The following ASIC2 variants were observed in gnomAD, a reference collection of about 807,000 sequenced individuals.
ASIC2 encodes the protein acid sensing ion channel subunit 2.
Under a neutral mutation model 57.3 loss-of-function variants are expected in ASIC2, and 25 were observed. The ratio of observed to expected loss-of-function variants is 0.44; its 90% confidence interval spans 0.32 to 0.61. ASIC2 has a LOEUF of 0.61. ASIC2 is among the 20% of genes least tolerant of loss of function. The pLI, the probability that ASIC2 is intolerant of heterozygous loss-of-function variation, is 0.06. For synonymous variants in ASIC2, 319 were observed against 307.5 expected, an observed-to-expected ratio of 1.04 and a Z score of -0.39; for missense variants, 641 against 738.1, an observed-to-expected ratio of 0.87 and a Z score of 1.52.
intron 1 of ASIC2, among the ~76,000 whole-genome samples, chr17:33,550,024 T>C (rs12951539): frequency 0.074 from 11,229 of 152,260 alleles, 573 homozygotes; most frequent in Non-Finnish European, 0.1. Context: ...TTTCTGGTTT[T>C]TCATCTCAGA....
chr17:34,023,034 T>C (rs1215064595), intron 1 of ASIC2, among the ~76,000 whole-genome samples: 1 of 152,224 alleles, frequency 6.6e-6, no homozygotes, highest in East Asian at 1.9e-4. Context: ...CTTTGCCTTC[T>C]GCCATGCTTG....
intron 1 of ASIC2, among the ~76,000 whole-genome samples, chr17:34,023,046 A>G (rs777035313): frequency 1.3e-5 from 2 of 152,032 alleles, no homozygotes; most frequent in Non-Finnish European, 2.9e-5. Flanking sequence ...CCATGCTTGT[A>G]AGTTCCCTGA....
At chr17:33,451,792 C>T (rs761571354) in intron 1 of ASIC2, among the ~76,000 whole-genome samples, 1 of 152,162 alleles carries the variant, frequency 6.6e-6, no homozygotes, top group East Asian at 1.9e-4. Context: ...CAGGACCTGA[C>T]CTAGTTTGTT....
At chr17:34,095,397 G>C (rs1910480869) in intron 1 of ASIC2, among the ~76,000 whole-genome samples, 1 of 151,946 alleles carries the variant, frequency 6.6e-6, no homozygotes, top group Non-Finnish European at 1.5e-5. Context: ...AATATGAAAG[G>C]GTTGATAAAT....
intron 1 of ASIC2, among the ~76,000 whole-genome samples, chr17:33,194,518 GT>G (rs1250504805): frequency 6.6e-6 from 1 of 152,166 alleles, no homozygotes; most frequent in Non-Finnish European, 1.5e-5. Context: ...CATATGTAGA[GT>G]TTTTCTAAAA....
At chr17:33,519,477 C>T (rs1335159998) in intron 1 of ASIC2, among the ~76,000 whole-genome samples, 1 of 152,204 alleles carries the variant, frequency 6.6e-6, no homozygotes, top group Non-Finnish European at 1.5e-5. Flanking sequence ...AACACATGCA[C>T]CTGAACCATC....
Position 33,507,762 on chromosome 17 carries a change from G to A in ASIC2, c.556-395695C>T, listed in dbSNP as rs370483615. Among the ~76,000 whole-genome samples the A allele has an allele frequency of 2.2e-4, 34 of 152,270 alleles. No homozygotes were observed. In the East Asian group the frequency reaches 6.2e-3, roughly 28 times the overall value. ...ACTAAAAATACAAAAACTTAGCTGG[G>A]CCTGGTGGCACATATGCCTCTAATC... On this transcript the variant is annotated intron_variant, in intron 1 of 9. Transcript: ENST00000359872.
At chr17:33,346,536 G>A (rs117875449) in intron 1 of ASIC2, among the ~76,000 whole-genome samples, 2 of 152,126 alleles carry the variant, frequency 1.3e-5, no homozygotes, top group East Asian at 1.9e-4. Flanking sequence ...GCACATGCTC[G>A]TGCACATGTG....
At chr17:33,609,037 A>G (rs1905308648) in intron 1 of ASIC2, among the ~76,000 whole-genome samples, 1 of 152,172 alleles carries the variant, frequency 6.6e-6, no homozygotes, top group Non-Finnish European at 1.5e-5. Context: ...CACATCAGGC[A>G]AGCTCTTCAC....
intron 1 of ASIC2, among the ~76,000 whole-genome samples, chr17:34,106,196 A>C (rs1911045860): frequency 6.6e-6 from 1 of 152,176 alleles, no homozygotes; most frequent in South Asian, 2.1e-4. Flanking sequence ...ATCTTAGGAT[A>C]TCACAATTGG....
intron 1 of ASIC2, among the ~76,000 whole-genome samples, chr17:33,868,261 A>G (rs1914299125): frequency 6.6e-6 from 1 of 151,920 alleles, no homozygotes; most frequent in Admixed American, 6.6e-5. Context: ...AAGTTATACA[A>G]TCTCTGTAGT....
chr17:33,686,257 T>G (rs1159781088), intron 1 of ASIC2, among the ~76,000 whole-genome samples: 1 of 152,072 alleles, frequency 6.6e-6, no homozygotes, highest in Non-Finnish European at 1.5e-5. Flanking sequence ...AGCACGCTAT[T>G]CTTGATAAAA....
chr17:33,144,418 G>A (rs962942347), intron 1 of ASIC2, among the ~76,000 whole-genome samples: 2 of 152,054 alleles, frequency 1.3e-5, no homozygotes, highest in African/African-American at 2.4e-5. Flanking sequence ...AAAAGCAAAA[G>A]TGGAGTCCCT....
intron 1 of ASIC2, among the ~76,000 whole-genome samples, chr17:33,125,696 C>A (rs2092320359): frequency 6.6e-6 from 1 of 152,198 alleles, no homozygotes; most frequent in South Asian, 2.1e-4. Context: ...TGGATTCATG[C>A]ACATTAACTT....
chr17:33,874,260 G>A (rs1914497650), intron 1 of ASIC2, among the ~76,000 whole-genome samples: 1 of 152,116 alleles, frequency 6.6e-6, no homozygotes, highest in Non-Finnish European at 1.5e-5. Context: ...CTGACCATAC[G>A]AGCAGAAGGG....
intron 1 of ASIC2, among the ~76,000 whole-genome samples, chr17:33,588,582 C>A (rs61421305): frequency 0.064 from 9,749 of 152,228 alleles, 529 homozygotes; most frequent in East Asian, 0.3. Context: ...AGCACTCCTG[C>A]TCTCTTGAAG....
At chr17:33,893,457 T>C (rs1054287994) in intron 1 of ASIC2, among the ~76,000 whole-genome samples, 4 of 152,206 alleles carry the variant, frequency 2.6e-5, no homozygotes, top group African/African-American at 9.7e-5. Flanking sequence ...AGGTCAGGTA[T>C]GGCAAATAGA....
In ASIC2 at chr17:34,088,516, C is replaced by T. The variant is rs190270988; in HGVS notation, c.555+67462G>A. On this transcript the variant is annotated intron_variant, in intron 1 of 9. Coordinates refer to the ASIC2 transcript ENST00000359872. ...GACCCACTTGAGGAGGCAGTCTGCC[C>T]GTTCTCAGATCTCCAGCTGTGTGCT... Among the ~76,000 whole-genome samples the T allele has an allele frequency of 3.2e-4, 49 of 152,316 alleles. No homozygotes were observed. The East Asian group carries it at 5.0e-3, about 16-fold the overall frequency.
In ASIC2 at chr17:33,853,656, G is replaced by A. The variant is rs145094669; in HGVS notation, c.555+302322C>T. ...GCTGAAGGTTCAAATGGATTTAATC[G>A]CAGCAGGAAAGACCAACGTGGGAGG... On this transcript the variant is annotated intron_variant, in intron 1 of 9. Transcript: ENST00000359872. Among the ~76,000 whole-genome samples the A allele has an allele frequency of 1.5e-3, 225 of 152,264 alleles. 2 individuals carry two copies. The highest frequency in any genetic ancestry group is 4.0e-3 in the African/African-American group (168 of 41,566).
Sources: allele counts gnomAD v4.1 joint callset (sites outside exome capture counted in the v4.1 genomes callset), GRCh38; gene constraint gnomAD v4.1.1; transcripts MANE v1.5; gene names NCBI Gene and HGNC (gene_info 2026-07-23, HGNC 2026-07-21).